Variants in GREM2 observed in about 807,000 individuals in gnomAD.
The protein encoded by GREM2 is gremlin 2, DAN family BMP antagonist.
In GREM2, 11 loss-of-function variants were observed where a neutral mutation model predicts 14.2. That is an observed-to-expected ratio of 0.78 (90% CI 0.49 to 1.28). The LOEUF (loss-of-function observed/expected upper bound fraction) is 1.28. Ranked by LOEUF, GREM2 falls within the 50% of genes most tolerant of loss-of-function variation. The pLI is 0.00. For missense variants in GREM2, 210 were observed against 218.5 expected (o/e 0.96, Z 0.24); for synonymous variants, 98 against 97.6 (o/e 1.00, Z -0.02).
At position 240,547,524 on chromosome 1, in the gene GREM2, T is replaced by TAG. The variant is rs1340172559; in HGVS notation, c.-1-54049_-1-54048insCT. Among the ~76,000 whole-genome samples the TAG allele has an allele frequency of 1.2e-4, 14 of 119,736 alleles. No homozygotes were observed. The East Asian group carries it at 2.3e-3, about 20-fold the overall frequency. 78.6% of individuals were successfully genotyped at this position (119,736 alleles called of 152,430 possible). Reference sequence around the variant, plus strand: ...CAAAAAAAAAAAAAAAATATATATATATATATATATAGATAGATAGATAGA... The same window carrying TAG: ...CAAAAAAAAAAAAAAAATATATATATAGATATATATATAGATAGATAGATAGA... On this transcript the variant is annotated intron_variant, in intron 1 of 1. Coordinates refer to ENST00000318160, the MANE Select transcript of GREM2 (RefSeq NM_022469.4).
intron 1 of GREM2, among the ~76,000 whole-genome samples, chr1:240,519,018 A>C (rs1678015201): frequency 6.6e-6 from 1 of 152,222 alleles, no homozygotes; most frequent in South Asian, 2.1e-4. Flanking sequence ...CATTACACAC[A>C]CACATACATA....
At chr1:240,585,910 C>T (rs1305637006) in intron 1 of GREM2, among the ~76,000 whole-genome samples, 1 of 151,692 alleles carries the variant, frequency 6.6e-6, no homozygotes, top group Non-Finnish European at 1.5e-5. Context: ...TTAAAAAGAA[C>T]TTGCATCTGA....
chr1:240,537,181 T>C (rs1678491738), intron 1 of GREM2, among the ~76,000 whole-genome samples: 1 of 152,148 alleles, frequency 6.6e-6, no homozygotes, highest in African/African-American at 2.4e-5. Flanking sequence ...TTTGAATATA[T>C]TTAAACACTG....
chr1:240,576,586 G>T (rs1034905206), intron 1 of GREM2, among the ~76,000 whole-genome samples: 3 of 152,104 alleles, frequency 2.0e-5, no homozygotes, highest in Admixed American at 2.0e-4. Context: ...AACAACCCTG[G>T]TTGACCTAGT....
At chr1:240,535,961 A>G (rs1678461886) in intron 1 of GREM2, among the ~76,000 whole-genome samples, 1 of 152,146 alleles carries the variant, frequency 6.6e-6, no homozygotes, top group Non-Finnish European at 1.5e-5. Flanking sequence ...CAAGTGGAGT[A>G]AGATAAAGAC....
At chr1:240,541,166 C>T (rs866355825) in intron 1 of GREM2, among the ~76,000 whole-genome samples, 2 of 152,166 alleles carry the variant, frequency 1.3e-5, no homozygotes, top group African/African-American at 2.4e-5. Flanking sequence ...GCCTTTTCAC[C>T]GTTCTTAAAA....
intron 1 of GREM2, chr1:240,531,628 C>G (rs1678361581): frequency 1.0e-6 from 1 of 984,786 alleles, no homozygotes; most frequent in Non-Finnish European, 1.2e-6. Context: ...ACTGCTCTGC[C>G]CATTACCTGC....
At chr1:240,603,294 G>T (rs548746463) in intron 1 of GREM2, among the ~76,000 whole-genome samples, 1 of 152,244 alleles carries the variant, frequency 6.6e-6, no homozygotes, top group Non-Finnish European at 1.5e-5. Context: ...AGTGGCATGA[G>T]GTATACACTC....
intron 1 of GREM2, among the ~76,000 whole-genome samples, chr1:240,509,444 C>G (rs2103287855): frequency 6.7e-6 from 1 of 148,794 alleles, no homozygotes; most frequent in Middle Eastern, 3.6e-3. Context: ...TCTTGGCTCA[C>G]TGCAACCTCT....
intron 1 of GREM2, among the ~76,000 whole-genome samples, chr1:240,599,460 A>G (rs1679877995): frequency 6.6e-6 from 1 of 152,110 alleles, no homozygotes; most frequent in Non-Finnish European, 1.5e-5. Flanking sequence ...TCCTCCAGGG[A>G]GTGACTTTCC....
intron 1 of GREM2, among the ~76,000 whole-genome samples, chr1:240,578,056 G>T (rs1014733582): frequency 5.3e-5 from 8 of 152,044 alleles, no homozygotes; most frequent in Admixed American, 1.3e-4. Flanking sequence ...ACTGTTTTTT[G>T]TTGTTGTTGT....
At chr1:240,580,848 C>A (rs1331413955) in intron 1 of GREM2, among the ~76,000 whole-genome samples, 1 of 152,220 alleles carries the variant, frequency 6.6e-6, no homozygotes, top group Non-Finnish European at 1.5e-5. Context: ...GCTGGGATTA[C>A]AGGCATGCAT....
intron 1 of GREM2, among the ~76,000 whole-genome samples, chr1:240,556,145 A>G (rs1237378395): frequency 6.6e-6 from 1 of 152,250 alleles, no homozygotes; most frequent in Non-Finnish European, 1.5e-5. Flanking sequence ...AGCTTTATAA[A>G]GAATATTCAC....
At position 240,542,608 on chromosome 1, in the gene GREM2, C is replaced by T. The variant is rs1406115270; in HGVS notation, c.-1-49132G>A. ...CCAGCCTAGTGACAGAGCGAGACTC[C>T]ATCTCAAAAATAAATAAATAAATAA... On this transcript the variant is annotated intron_variant, in intron 1 of 1. Transcript: ENST00000318160. The surrounding 1 kb of genome is among the most constrained non-coding windows in gnomAD (Gnocchi z 4.1). Among the ~76,000 whole-genome samples the T allele has an allele frequency of 6.6e-6, 1 of 151,474 alleles. No homozygotes were observed. The highest frequency in any genetic ancestry group is 1.5e-5 in the Non-Finnish European group (1 of 67,968).
chr1:240,535,435 A>C (rs1678451490), intron 1 of GREM2, among the ~76,000 whole-genome samples: 1 of 152,170 alleles, frequency 6.6e-6, no homozygotes, highest in Admixed American at 6.5e-5. Context: ...CAAAGGAGAG[A>C]TTGTGAAAAA....
At position 240,543,157 on chromosome 1, in the gene GREM2, A is replaced by T. The variant is rs1387299118; in HGVS notation, c.-1-49681T>A. Among the ~76,000 whole-genome samples the T allele has an allele frequency of 1.3e-5, 2 of 152,216 alleles. No individual in the cohort carries two copies. Among genetic ancestry groups the T allele is most frequent in the East Asian group, 3.9e-4 (2 of 5,190 alleles). ...TACATCCCCCATCAGATTGTGGATCACCTAAGGCTAGGGCCAGGCTTGCTT... is the reference window on the plus strand; with the variant it reads ...TACATCCCCCATCAGATTGTGGATCTCCTAAGGCTAGGGCCAGGCTTGCTT... On this transcript the variant is annotated intron_variant, in intron 1 of 1. Coordinates refer to ENST00000318160, the MANE Select transcript of GREM2 (RefSeq NM_022469.4). The surrounding 1 kb of genome is among the most constrained non-coding windows in gnomAD (Gnocchi z 6.4).
At chr1:240,511,482 G>A (rs945573532) in intron 1 of GREM2, among the ~76,000 whole-genome samples, 6 of 152,176 alleles carry the variant, frequency 3.9e-5, no homozygotes, top group African/African-American at 1.4e-4. Flanking sequence ...CAGGCCTGTT[G>A]GCTCACGCCT....
At chr1:240,583,742 C>T (rs1215729910) in intron 1 of GREM2, among the ~76,000 whole-genome samples, 1 of 152,098 alleles carries the variant, frequency 6.6e-6, no homozygotes, top group African/African-American at 2.4e-5. Context: ...GCTGGGACTA[C>T]AGGCATGCGC....
At chr1:240,593,301 G>T (rs1385760960) in intron 1 of GREM2, among the ~76,000 whole-genome samples, 1 of 152,080 alleles carries the variant, frequency 6.6e-6, no homozygotes, top group Non-Finnish European at 1.5e-5. Context: ...TTGTCACTTG[G>T]CTCCTATCTC....
Sources: allele counts gnomAD v4.1 joint callset (sites outside exome capture counted in the v4.1 genomes callset), GRCh38; gene constraint gnomAD v4.1.1; non-coding constraint Gnocchi (gnomAD v3.1); transcripts MANE v1.5; gene names NCBI Gene and HGNC (gene_info 2026-07-23, HGNC 2026-07-21).